OPN5: variants seen among roughly 807,000 people sequenced by gnomAD.
OPN5 encodes the protein opsin-5.
Under a neutral mutation model 41.7 loss-of-function variants are expected in OPN5, and 18 were observed. The ratio of observed to expected loss-of-function variants is 0.43; its 90% CI spans 0.30 to 0.64. OPN5 has a LOEUF of 0.64. Ranked by LOEUF, OPN5 falls within the 30% of genes least tolerant of loss-of-function variation. The pLI, the probability that OPN5 is intolerant of heterozygous loss-of-function variation, is 0.13. For missense variants in OPN5, 318 were observed against 434.5 expected (o/e 0.73, Z 2.38); for synonymous variants, 178 against 164.3 (o/e 1.08, Z -0.64).
chr6:47,786,710 C>T (rs990924719), intron 2 of OPN5, 76 bp downstream of exon 2: 1 of 1,244,024 alleles, frequency 8.0e-7, no homozygotes, highest in Non-Finnish European at 1.1e-6. Flanking sequence ...TCTCAAACGT[C>T]ACCCCCTGAC....
chr6:47,787,119 T>C (rs758173359), intron 2 of OPN5: 88 of 981,738 alleles, frequency 9.0e-5, no homozygotes, highest in Non-Finnish European at 1.0e-4. Context: ...GGTGCCCTGC[T>C]GATGATATAT....
intron 2 of OPN5, among the ~76,000 whole-genome samples, chr6:47,788,807 G>GGC (rs1019811138): frequency 4.7e-5 from 7 of 147,782 alleles, no homozygotes; most frequent in African/African-American, 1.7e-4. Context: ...GGATAACCTG[G>GGC]GGGGGGGCGG....
At chr6:47,804,469 A>T (rs1644211511) in intron 4 of OPN5, among the ~76,000 whole-genome samples, 1 of 152,228 alleles carries the variant, frequency 6.6e-6, no homozygotes, top group Non-Finnish European at 1.5e-5. Context: ...GATTAAATAT[A>T]TTCCAAGCTG....
chr6:47,807,144 C>T (rs781741778), intron 4 of OPN5, among the ~76,000 whole-genome samples: 8 of 152,108 alleles, frequency 5.3e-5, no homozygotes, highest in African/African-American at 1.4e-4. Flanking sequence ...GCAACAAGAG[C>T]GAAACTTCAT....
At chr6:47,807,850 T>A (rs1238864318) in intron 4 of OPN5, among the ~76,000 whole-genome samples, 1 of 151,744 alleles carries the variant, frequency 6.6e-6, no homozygotes, top group East Asian at 1.9e-4. Context: ...TATGATTTCC[T>A]GCTCCATGGA....
exon 5 of OPN5, chr6:47,808,187 G>T: frequency 6.2e-7 from 1 of 1,613,260 alleles, no homozygotes; most frequent in Non-Finnish European, 8.5e-7. Flanking sequence ...ATTCCTGATT[G>T]CCTGGATTCC....
chr6:47,801,342 T>C (rs1461821813), intron 4 of OPN5, among the ~76,000 whole-genome samples: 1 of 152,246 alleles, frequency 6.6e-6, no homozygotes, highest in Non-Finnish European at 1.5e-5. Flanking sequence ...CTGTTTCTTT[T>C]ATACCTGACA....
intron 6 of OPN5, 115 bp from the exon 7 acceptor site, chr6:47,823,868 C>A (rs1762713739): frequency 2.5e-6 from 2 of 784,750 alleles, no homozygotes; most frequent in Non-Finnish European, 4.4e-6. Flanking sequence ...CCATCGCAAT[C>A]CTGGTTCTTT....
chr6:47,811,610 A>G, intron 5 of OPN5, 64 bp from the exon 6 acceptor site: 4 of 1,024,246 alleles, frequency 3.9e-6, no homozygotes, highest in South Asian at 1.3e-5. Flanking sequence ...ATGTATATGT[A>G]CATATGTATT....
rs1293037584 is a variant in OPN5, at chr6:47,811,751, A to C, written c.1056+20A>C. On this transcript the variant is annotated intron_variant, in intron 6 of 6. Coordinates refer to ENST00000371211, the Ensembl canonical transcript of OPN5. ...GAAGAGGTATGAAGATGGATACAGC[A>C]TCACTATGGACACTCGTATTCACTT... The C allele has an allele frequency of 1.3e-6, 2 of 1,550,956 alleles. No homozygotes were observed. Among genetic ancestry groups the C allele is most frequent in the Middle Eastern group, 1.7e-4 (1 of 5,960 alleles).
intron 2 of OPN5, among the ~76,000 whole-genome samples, chr6:47,788,292 T>C (rs1428976818): frequency 2.0e-5 from 3 of 152,238 alleles, no homozygotes; most frequent in African/African-American, 7.2e-5. Flanking sequence ...CCTAAGGTGC[T>C]CTACCTGGTA....
chr6:47,788,808 G>GGT lies in OPN5; in HGVS notation c.250+2175_250+2176insTG, dbSNP rs372713765. 2.7e-5 allele frequency among the ~76,000 whole-genome samples: 4 copies of GGT among 148,176 alleles called. 1 individual carries two copies. Among genetic ancestry groups the GGT allele is most frequent in the African/African-American group, 7.5e-5 (3 of 40,224 alleles). ...GTCGTGTTATATTAGGATAACCTGG[G>GGT]GGGGGGCGGTGGTGGTGTTAAAAAT... On this transcript the variant is annotated intron_variant, in intron 2 of 6. Transcript: ENST00000371211.
rs1054132171 is a variant in OPN5, at chr6:47,789,194, G to A, written c.250+2560G>A. Among the ~76,000 whole-genome samples the A allele has an allele frequency of 3.3e-5, 5 of 152,196 alleles. No individual in the cohort carries two copies. The East Asian group carries it at 9.6e-4, about 29-fold the overall frequency. The stretch of plus-strand genomic sequence containing the variant: ...AGCCTTTTAGTTTGCTGTTTCCTCT[G>A]CCTCTAATCCATTCCCTCCAGAAGT... On this transcript the variant is annotated intron_variant, in intron 2 of 6. Coordinates refer to ENST00000371211, the Ensembl canonical transcript of OPN5.
chr6:47,825,994 T>C (rs909982452), downstream of OPN5: 9 of 152,184 alleles, frequency 5.9e-5, no homozygotes, highest in Non-Finnish European at 1.3e-4. Context: ...GGTGTATGTA[T>C]TAAGATACAG....
intron 4 of OPN5, among the ~76,000 whole-genome samples, chr6:47,804,503 G>A (rs1383212808): frequency 3.3e-5 from 5 of 152,080 alleles, no homozygotes; most frequent in African/African-American, 1.2e-4. Flanking sequence ...GACAAAAACG[G>A]AGTGTAACAT....
chr6:47,782,117 C>T, exon 1 of OPN5: 1 of 1,613,518 alleles, frequency 6.2e-7, no homozygotes, highest in Non-Finnish European at 8.5e-7. Context: ...TGCCCCATTA[C>T]CTTCGAGATG....
At chr6:47,786,411 C>T in intron 1 of OPN5, 104 bp from the exon 2 acceptor site, 1 of 854,184 alleles carries the variant, frequency 1.2e-6, no homozygotes, top group African/African-American at 1.7e-5. Context: ...CTCTCACTAC[C>T]CTCTAAATCT....
intron 4 of OPN5, among the ~76,000 whole-genome samples, chr6:47,801,438 G>T (rs749824857): frequency 6.6e-6 from 1 of 152,076 alleles, no homozygotes; most frequent in African/African-American, 2.4e-5. Context: ...TCCCTTAAAT[G>T]ACTCCTCCCT....
intron 2 of OPN5, among the ~76,000 whole-genome samples, chr6:47,790,829 T>C (rs1773347483): frequency 6.6e-6 from 1 of 152,138 alleles, no homozygotes; most frequent in Admixed American, 6.5e-5. Context: ...ATATATAACC[T>C]CTCTCTTTCC....
Sources: gnomAD v4.1 joint callset for allele counts (sites outside exome capture counted in the v4.1 genomes callset) on GRCh38, gnomAD v4.1.1 for gene constraint, MANE v1.5 for transcripts, NCBI Gene and HGNC (gene_info 2026-07-23, HGNC 2026-07-21) for gene names.